Variants in CACNA2D1 observed in about 807,000 individuals in gnomAD.
CACNA2D1 encodes voltage-dependent calcium channel subunit alpha-2/delta-1.
CACNA2D1 carries 53 observed loss-of-function variants against 171.5 expected under a neutral mutation model. That is an observed-to-expected ratio of 0.31 (90% CI 0.25 to 0.39). The LOEUF is 0.39. Among genes scored for constraint, CACNA2D1 ranks in the 10% least tolerant of loss-of-function variants. CACNA2D1 has a pLI of 1.00. For missense variants in CACNA2D1, 903 were observed against 1,299.8 expected, an observed-to-expected ratio of 0.69 and a Z score of 4.69; for synonymous variants, 442 against 443.1, an observed-to-expected ratio of 1.00 and a Z score of 0.03.
chr7:82,332,508 T>TAGAAAGAA (rs1238319833), intron 3 of CACNA2D1, among the ~76,000 whole-genome samples: 431 of 34,628 alleles, frequency 0.012, 1 homozygote, highest in African/African-American at 0.026. Flanking sequence ...AAAAAAGAAA[T>TAGAAAGAA]ATAAAGAAAG....
chr7:82,012,432 G>T (rs1369160250), intron 14 of CACNA2D1, among the ~76,000 whole-genome samples, 189 bp from the exon 15 acceptor site: 3 of 151,980 alleles, frequency 2.0e-5, no homozygotes, highest in African/African-American at 7.2e-5. Context: ...TATTTTGAAT[G>T]AACAATATTT....
In CACNA2D1 at chr7:81,967,679, GAATT is replaced by G. The variant is rs1160003426; in HGVS notation, c.2396-20_2396-17del. 6.7e-6 allele frequency: 8 copies of G among 1,195,254 alleles called. No homozygotes were observed. The African/African-American group carries it at 1.1e-4, about 16-fold the overall frequency. The allele number at this position is 1,195,254 out of a possible 1,614,324, so 74.0% of individuals were successfully genotyped here. ...ATTCCAACAACTGAAAAATTAATTT[GAATT>G]AATTCAAAGGTATAATTAGATGTAA... On this transcript the variant is annotated splice_polypyrimidine_tract_variant and intron_variant, in intron 29 of 38. Transcript: ENST00000356860.
At chr7:82,025,267 A>G in intron 12 of CACNA2D1, among the ~76,000 whole-genome samples, 1 of 151,664 alleles carries the variant, frequency 6.6e-6, no homozygotes, top group South Asian at 2.1e-4. Context: ...AAGTCTTCCA[A>G]TCCATTAACA....
At chr7:82,278,454 A>T (rs1201049797) in intron 3 of CACNA2D1, among the ~76,000 whole-genome samples, 1 of 150,574 alleles carries the variant, frequency 6.6e-6, no homozygotes, top group East Asian at 2.0e-4. Flanking sequence ...GCTACTCAGG[A>T]GGCTGAGGCA....
chr7:82,306,368 A>G (rs554127939), intron 3 of CACNA2D1, among the ~76,000 whole-genome samples: 15 of 152,314 alleles, frequency 9.8e-5, no homozygotes, highest in African/African-American at 3.6e-4. Flanking sequence ...AAGAAGTTCC[A>G]TCCCTTTAAG....
rs561423435 is a variant in CACNA2D1 at position 82,171,326 on chromosome 7, CT to C, written c.295-718del. Among the ~76,000 whole-genome samples the C allele has an allele frequency of 3.1e-3, 464 of 152,006 alleles. 1 individual carries two copies. The highest frequency in any genetic ancestry group is 4.4e-3 in the Non-Finnish European group (300 of 67,954). On this transcript the variant is annotated intron_variant, in intron 3 of 38. Transcript: ENST00000356860. ...CACTTTTTATAAACTTTTTTTTCCCCTATTCCAATAGCTTTTAGACTTTTCT... is the reference window on the plus strand; with the variant it reads ...CACTTTTTATAAACTTTTTTTTCCCCATTCCAATAGCTTTTAGACTTTTCT...
intron 3 of CACNA2D1, among the ~76,000 whole-genome samples, chr7:82,188,698 T>C (rs1404374528): frequency 2.0e-5 from 3 of 152,114 alleles, no homozygotes; most frequent in Non-Finnish European, 4.4e-5. Context: ...GAAATCATCC[T>C]ACCATAGACA....
chr7:82,302,458 T>C (rs1449962853), intron 3 of CACNA2D1, among the ~76,000 whole-genome samples: 1 of 151,050 alleles, frequency 6.6e-6, no homozygotes, highest in African/African-American at 2.4e-5. Flanking sequence ...ATGCCCAGGC[T>C]GGAGTGCAAT....
chr7:81,988,448 G>A (rs1229376298), intron 21 of CACNA2D1, among the ~76,000 whole-genome samples: 3 of 152,094 alleles, frequency 2.0e-5, no homozygotes, highest in Admixed American at 2.0e-4. Context: ...CTCCTCTTCT[G>A]TCTATTCTAC....
intron 3 of CACNA2D1, among the ~76,000 whole-genome samples, chr7:82,253,657 T>C (rs1241392970): frequency 1.3e-5 from 2 of 152,222 alleles, no homozygotes; most frequent in Non-Finnish European, 2.9e-5. Context: ...AATTCTTATA[T>C]AACTTTTTGT....
At chr7:82,302,154 A>C (rs972433627) in intron 3 of CACNA2D1, among the ~76,000 whole-genome samples, 1 of 152,198 alleles carries the variant, frequency 6.6e-6, no homozygotes, top group Non-Finnish European at 1.5e-5. Flanking sequence ...CAAAATCTAC[A>C]TATAACTGTA....
At chr7:82,268,101 A>G (rs1362857498) in intron 3 of CACNA2D1, among the ~76,000 whole-genome samples, 1 of 152,212 alleles carries the variant, frequency 6.6e-6, no homozygotes, top group Non-Finnish European at 1.5e-5. Flanking sequence ...TTGGTAAATT[A>G]AGTTACTTAA....
intron 15 of CACNA2D1, among the ~76,000 whole-genome samples, chr7:82,008,654 GA>G (rs1273890989): frequency 2.9e-4 from 44 of 152,068 alleles, no homozygotes; most frequent in African/African-American, 1.0e-3. Flanking sequence ...TGCTAAATGA[GA>G]AATTATTATT....
intron 20 of CACNA2D1, among the ~76,000 whole-genome samples, chr7:81,991,909 A>C (rs1331160622): frequency 6.8e-6 from 1 of 148,038 alleles, no homozygotes; most frequent in Non-Finnish European, 1.5e-5. Context: ...ATCTCGGCTC[A>C]CTGCAAGCTC....
In CACNA2D1 at chr7:82,326,805, C is replaced by A. The variant is rs1163262963; in HGVS notation, c.294+8330G>T. Among the ~76,000 whole-genome samples the A allele has an allele frequency of 2.7e-5, 3 of 111,740 alleles. 1 individual carries two copies. Among genetic ancestry groups the A allele is most frequent in the Non-Finnish European group, 6.6e-5 (3 of 45,436 alleles). 73.3% of individuals were successfully genotyped at this position (111,740 alleles called of 152,430 possible). A position where few individuals can be genotyped will look rare whatever the true frequency, so the allele number is the denominator to read the frequency against. On this transcript the variant is annotated intron_variant, in intron 3 of 38. Coordinates refer to ENST00000356860, the MANE Select transcript of CACNA2D1 (RefSeq NM_000722.4). ...ACTTACTTGAACTCTTATTTCTTGA[C>A]CATTATCAGATCCTATCTAACGTGA...
intron 21 of CACNA2D1, among the ~76,000 whole-genome samples, chr7:81,987,372 C>T (rs1160618387): frequency 6.6e-6 from 1 of 152,080 alleles, no homozygotes; most frequent in East Asian, 1.9e-4. Context: ...CAAGTGGCCA[C>T]CAGATGAATA....
At chr7:82,058,011 C>T (rs911840772) in intron 10 of CACNA2D1, among the ~76,000 whole-genome samples, 1 of 152,118 alleles carries the variant, frequency 6.6e-6, no homozygotes, top group Non-Finnish European at 1.5e-5. Context: ...TAACTACCAG[C>T]ACCTACAACT....
chr7:82,015,636 AAAAATAGACATGCAG>A (rs1435554881), intron 12 of CACNA2D1, among the ~76,000 whole-genome samples: 1 of 152,186 alleles, frequency 6.6e-6, no homozygotes, highest in Non-Finnish European at 1.5e-5. Flanking sequence ...AGCTATTTCT[AAAAATAGACATGCAG>A]AAAATCACTT....
chr7:82,440,792 C>T (rs1360570511), intron 1 of CACNA2D1, among the ~76,000 whole-genome samples: 1 of 151,644 alleles, frequency 6.6e-6, no homozygotes, highest in Non-Finnish European at 1.5e-5. Context: ...AATTTAAGCC[C>T]TTCACACAAA....
Sources: allele counts gnomAD v4.1 joint callset (sites outside exome capture counted in the v4.1 genomes callset), GRCh38; gene constraint gnomAD v4.1.1; transcripts MANE v1.5; gene names NCBI Gene and HGNC (gene_info 2026-07-23, HGNC 2026-07-21).